Variants in MYO18A observed in about 807,000 individuals in gnomAD.
The protein encoded by MYO18A is myosin XVIIIA.
MYO18A carries 78 observed loss-of-function variants against 235.8 expected under a neutral mutation model. The ratio of observed to expected loss-of-function variants is 0.33; its 90% CI spans 0.28 to 0.40. MYO18A has a LOEUF of 0.40. MYO18A is among the 10% of genes least tolerant of loss of function. The pLI, the probability that MYO18A is intolerant of heterozygous loss-of-function variation, is 1.00. For synonymous variants in MYO18A, 977 were observed against 1,077.8 expected (o/e 0.91, Z 1.83); for missense variants, 2,215 against 2,699.3 (o/e 0.82, Z 3.98).
intron 37 of MYO18A, among the ~76,000 whole-genome samples, 156 bp downstream of exon 37, chr17:29,089,805 C>T (rs950882961): frequency 3.9e-5 from 6 of 152,196 alleles, no homozygotes; most frequent in Non-Finnish European, 8.8e-5. Flanking sequence ...CCAGGCAGGG[C>T]GGGAGAGAAG....
At chr17:29,097,927 C>A in intron 25 of MYO18A, 28 bp from the exon 26 acceptor site, 1 of 1,596,480 alleles carries the variant, frequency 6.3e-7, no homozygotes. Flanking sequence ...TCAGGGTGTG[C>A]CATTCCATCC....
intron 18 of MYO18A, 89 bp downstream of exon 18, chr17:29,110,347 G>A (rs1598319090): frequency 7.0e-7 from 1 of 1,419,238 alleles, no homozygotes; most frequent in Non-Finnish European, 9.4e-7. Flanking sequence ...GCACCAGATG[G>A]CCTCAGTGTG....
Position 29,115,442 on chromosome 17 carries a change from C to G in MYO18A, c.2228-1G>C, listed in dbSNP as rs1186286030. 1.2e-6 allele frequency: 2 copies of G among 1,613,220 alleles called. No homozygotes were observed. The highest frequency in any genetic ancestry group is 1.7e-6 in the Non-Finnish European group (2 of 1,179,710). ...CACTCCAGTGCACTCAGTTTCGGGC[C>G]TGTGGGGCAGGGGGAGCAGCGCTAT... is the stretch of plus-strand genomic sequence containing the variant. On this transcript the variant is annotated splice_acceptor_variant, in intron 12 of 41. Coordinates refer to ENST00000527372, the MANE Select transcript of MYO18A (RefSeq NM_078471.4). LOFTEE classifies it high-confidence loss of function.
intron 28 of MYO18A, 26 bp downstream of exon 28, chr17:29,096,735 G>A (rs1412655393): frequency 1.9e-6 from 3 of 1,563,472 alleles, no homozygotes; most frequent in Non-Finnish European, 2.6e-6. Context: ...AAGGTTCTCT[G>A]GGCCCAGGGC....
At chr17:29,150,474 G>A (rs1018769110) in intron 2 of MYO18A, among the ~76,000 whole-genome samples, 7 of 152,364 alleles carry the variant, frequency 4.6e-5, no homozygotes, top group Admixed American at 1.3e-4. Context: ...AGCTGGTGGT[G>A]GTTGAGGTGT....
Position 29,079,074 on chromosome 17 carries a change from G to A in MYO18A, c.6020+3242C>T, listed in dbSNP as rs77258262. Among the ~76,000 whole-genome samples the A allele has an allele frequency of 5.0e-3, 759 of 152,312 alleles. 12 individuals carry two copies. Among genetic ancestry groups the A allele is most frequent in the African/African-American group, 0.018 (735 of 41,568 alleles). Reference sequence around the variant, plus strand: ...GTAGCTTTGTGGGGGCAGGGTAGGGGAGGGAGAGCTAAGCAAAAGGCCCAA... The same window carrying A: ...GTAGCTTTGTGGGGGCAGGGTAGGGAAGGGAGAGCTAAGCAAAAGGCCCAA... On this transcript the variant is annotated intron_variant, in intron 41 of 41. Transcript: ENST00000527372.
Position 29,073,848 on chromosome 17 carries a change from G to A in MYO18A, c.*922C>T, listed in dbSNP as rs372710805. The A allele has an allele frequency of 7.6e-6, 12 of 1,580,400 alleles. No individual in the cohort carries two copies. Among genetic ancestry groups the A allele is most frequent in the African/African-American group, 1.3e-5 (1 of 74,274 alleles). On this transcript the variant is annotated 3_prime_UTR_variant, in exon 42 of 42. Transcript: ENST00000527372. ...CCATCTTCAGTTTTTCTGATCACAAGTCCTCAACCCCAAGCCTTCCCTCTC... is the reference window on the plus strand; with the variant it reads ...CCATCTTCAGTTTTTCTGATCACAAATCCTCAACCCCAAGCCTTCCCTCTC...
intron 20 of MYO18A, among the ~76,000 whole-genome samples, chr17:29,104,088 TG>T (rs1313899133): frequency 1.3e-5 from 2 of 151,964 alleles, no homozygotes; most frequent in Non-Finnish European, 2.9e-5. Context: ...TCACTGGAAC[TG>T]GGGGGTGGGT....
At position 29,121,308 on chromosome 17, in the gene MYO18A, C is replaced by G. The variant is rs2067194180; in HGVS notation, c.1372-97G>C. 7.3e-7 allele frequency: 1 copy of G among 1,371,168 alleles called. No homozygotes were observed. The highest frequency in any genetic ancestry group is 1.0e-6 in the Non-Finnish European group (1 of 1,000,016). The allele number at this position is 1,371,168 out of a possible 1,614,324, so 84.9% of individuals were successfully genotyped here. A position where few individuals can be genotyped will look rare whatever the true frequency, so the allele number is the denominator to read the frequency against. On this transcript the variant is annotated intron_variant, in intron 5 of 41. Coordinates refer to ENST00000527372, the MANE Select transcript of MYO18A (RefSeq NM_078471.4). The surrounding 1 kb of genome is among the most constrained non-coding windows in gnomAD (Gnocchi z 4.2). ...AGGTCCACATCTTTCTGGATTTTCC[C>G]TCCTGTAGTGCCCAGGGATTCCAAG... is the stretch of plus-strand genomic sequence containing the variant.
chr17:29,163,659 A>G lies in MYO18A; in HGVS notation c.999+2283T>C, dbSNP rs1301850994. On this transcript the variant is annotated intron_variant, in intron 2 of 41. Coordinates refer to ENST00000527372, the MANE Select transcript of MYO18A (RefSeq NM_078471.4). ...ATGGGATAGCAGCAGATAGTTGGGA[A>G]GGGAAAGCTAGGAAAATCTGAGATG... Among the ~76,000 whole-genome samples the G allele has an allele frequency of 3.3e-5, 5 of 152,218 alleles. No homozygotes were observed. The East Asian group carries it at 7.7e-4, about 23-fold the overall frequency.
At position 29,090,901 on chromosome 17, in the gene MYO18A, T is replaced by C. The variant is rs1380671954; in HGVS notation, c.5213A>G (p.Gln1738Arg). Residue 1738 changes from glutamine to arginine, a missense_variant, in exon 35 of 42, where the codon CAG becomes CGG. Gln to Arg is a conservative substitution (Grantham distance 43). Coordinates refer to ENST00000527372, the MANE Select transcript of MYO18A (RefSeq NM_078471.4). ...GTTCTGGATCTCATTCTTCTCACGC[T>C]GAAGGCGGCTCAGCTGCTCCTCCAG... The part of the protein sequence containing the change: ...TALEEQLSRL[Q>R]REKNEIQNRL... 4 of 1,613,934 alleles carry C rather than the reference T, an allele frequency of 2.5e-6. No individual in the cohort carries two copies. In the African/African-American group the frequency reaches 4.0e-5, roughly 16 times the overall value.
chr17:29,094,226 G>A (rs1244083850), intron 30 of MYO18A, 136 bp from the exon 31 acceptor site: 31 of 657,556 alleles, frequency 4.7e-5, no homozygotes, highest in Non-Finnish European at 6.3e-5. Context: ...CCTTGCTCCC[G>A]TGGCAGCAGC....
chr17:29,092,290 C>T lies in MYO18A; in HGVS notation c.5187+53G>A. 3.7e-6 allele frequency: 5 copies of T among 1,352,368 alleles called. No homozygotes were observed. The South Asian group carries it at 4.8e-5, about 13-fold the overall frequency. The allele number at this position is 1,352,368 out of a possible 1,614,324, so 83.8% of individuals were successfully genotyped here. The stretch of plus-strand genomic sequence containing the variant: ...AGGGTGAAGGGAGCCACAGAGGCAG[C>T]TCTATTCTGCCTCAGCCCCCCGAGC... On this transcript the variant is annotated intron_variant, in intron 34 of 41. Transcript: ENST00000527372.
Position 29,114,966 on chromosome 17 carries a change from G to A in MYO18A, c.2452C>T (p.Arg818Trp). The change falls in exon 14 of 42, where the codon CGG (arginine) becomes TGG (tryptophan). Residue 818 changes from arginine to tryptophan, a missense_variant. Coordinates refer to ENST00000527372, the MANE Select transcript of MYO18A (RefSeq NM_078471.4). ...CGCTCGTGGAAGAGCCTCTGCAGCC[G>A]GTCTTGGGTGTAGTTGTGGCACAGC... The part of the protein sequence containing the change: ...EELCHNYTQD[R>W]LQRLFHERTF... 6.2e-7 allele frequency: 1 copy of A among 1,614,024 alleles called. No homozygotes were observed. The highest frequency in any genetic ancestry group is 8.5e-7 in the Non-Finnish European group (1 of 1,179,896).
intron 14 of MYO18A, 91 bp downstream of exon 14, chr17:29,114,816 T>A: frequency 7.5e-7 from 1 of 1,341,746 alleles, no homozygotes. Flanking sequence ...AAATGGAGAG[T>A]AAGGTGATGC....
intron 2 of MYO18A, chr17:29,129,078 T>C (rs1367131303): frequency 2.3e-6 from 3 of 1,289,256 alleles, no homozygotes; most frequent in African/African-American, 1.5e-5. Context: ...GGTCCTTCCA[T>C]CACCTGTTTT....
intron 2 of MYO18A, chr17:29,129,044 G>T (rs925240347): frequency 1.6e-6 from 2 of 1,289,320 alleles, no homozygotes; most frequent in Non-Finnish European, 2.0e-6. Context: ...CTAACTCCAG[G>T]GCGTCCTGAC....
rs201591312 is a variant in MYO18A at position 29,097,830 on chromosome 17, G to A, written c.4060C>T (p.Arg1354Trp). The change falls in exon 26 of 42, where the codon CGG (arginine) becomes TGG (tryptophan). Residue 1354 changes from arginine to tryptophan, a missense_variant. By Grantham distance (101) the Arg-to-Trp change is moderately radical. Coordinates refer to ENST00000527372, the MANE Select transcript of MYO18A (RefSeq NM_078471.4). ...ACTTCCCCGTTGATCTCCGCTGCCC[G>A]GATGAGACGGGCCTCCATCACCTCC... is the stretch of plus-strand genomic sequence containing the variant. ...EMEVMEARLI[R>W]AAEINGEVDD... 2,215 of 1,613,678 alleles carry A rather than the reference G, an allele frequency of 1.4e-3. 5 individuals are homozygous for A. Among genetic ancestry groups the A allele is most frequent in the Non-Finnish European group, 1.7e-3 (2,019 of 1,179,780 alleles).
At chr17:29,136,010 T>C (rs2067588370) in intron 2 of MYO18A, among the ~76,000 whole-genome samples, 1 of 152,060 alleles carries the variant, frequency 6.6e-6, no homozygotes, top group African/African-American at 2.4e-5. Context: ...GGTGGATTAC[T>C]TGAGCTCAGG....
Sources: gnomAD v4.1 joint callset for allele counts (sites outside exome capture counted in the v4.1 genomes callset) on GRCh38, gnomAD v4.1.1 for gene constraint, Gnocchi (gnomAD v3.1) non-coding constraint, MANE v1.5 for transcripts, NCBI Gene and HGNC (gene_info 2026-07-23, HGNC 2026-07-21) for gene names.